Variants in ZSCAN5A observed in about 807,000 individuals in gnomAD.
ZSCAN5A encodes zinc finger and SCAN domain-containing protein 5A.
In ZSCAN5A, 12 loss-of-function variants were observed where a neutral mutation model predicts 23.7. That is an observed-to-expected ratio of 0.51 (90% CI 0.32 to 0.82). ZSCAN5A has a LOEUF of 0.82. Ranked by LOEUF, ZSCAN5A falls within the 40% of genes least tolerant of loss-of-function variation. The probability of loss-of-function intolerance (pLI) is 0.03; values close to 1 mark genes in which losing one functional copy is unlikely to be tolerated. For synonymous variants in ZSCAN5A, 257 were observed against 239.9 expected (o/e 1.07, Z -0.66); for missense variants, 597 against 617.9 (o/e 0.97, Z 0.36).
chr19:56,359,114 C>CAA (rs199640565), intron 2 of ZSCAN5A, among the ~76,000 whole-genome samples: 2 of 150,368 alleles, frequency 1.3e-5, no homozygotes, highest in East Asian at 3.9e-4. Flanking sequence ...AAACACCCTT[C>CAA]AAAAAAATCG....
intron 2 of ZSCAN5A, among the ~76,000 whole-genome samples, chr19:56,305,523 G>C (rs374504336): frequency 6.6e-6 from 1 of 152,204 alleles, no homozygotes; most frequent in Non-Finnish European, 1.5e-5. Context: ...TGACTGTTGT[G>C]AGTCGTGGTG....
chr19:56,273,630 G>A (rs1229374368), intron 2 of ZSCAN5A, among the ~76,000 whole-genome samples: 1 of 152,132 alleles, frequency 6.6e-6, no homozygotes, highest in Non-Finnish European at 1.5e-5. Flanking sequence ...AATATGCAAA[G>A]GTCCTGGGGC....
At chr19:56,238,988 CA>C (rs2035201878) in intron 2 of ZSCAN5A, among the ~76,000 whole-genome samples, 2 of 152,138 alleles carry the variant, frequency 1.3e-5, no homozygotes, top group South Asian at 4.1e-4. Flanking sequence ...CAATTCTTAA[CA>C]AGGAAAAATA....
intron 2 of ZSCAN5A, among the ~76,000 whole-genome samples, chr19:56,302,278 T>C (rs1182290484): frequency 6.6e-6 from 1 of 151,044 alleles, no homozygotes; most frequent in Non-Finnish European, 1.5e-5. Flanking sequence ...TCTCATTTCA[T>C]TCTTCCTTCC....
At chr19:56,342,893 T>G (rs1435292558) in intron 2 of ZSCAN5A, 1 of 1,016,110 alleles carries the variant, frequency 9.8e-7, no homozygotes, top group African/African-American at 1.6e-5. Context: ...TCAGGTAGTC[T>G]CCCCATCCTG....
chr19:56,320,139 G>A (rs7245993), intron 2 of ZSCAN5A: 454,632 of 748,892 alleles, frequency 0.61, 142,416 homozygotes, highest in African/African-American at 0.89. Flanking sequence ...TCTGATCAAA[G>A]TTTAGTCTGT....
Position 56,225,176 on chromosome 19 carries a change from G to C in ZSCAN5A, c.-127-3C>G. ...AGATTCACTGTTCATTCAGAAGTCTGGGGGGGAAAAGTATGAGCCTCATTA... is the reference window on the plus strand; with the variant it reads ...AGATTCACTGTTCATTCAGAAGTCTCGGGGGGAAAAGTATGAGCCTCATTA... On this transcript the variant is annotated splice_region_variant and splice_polypyrimidine_tract_variant and intron_variant, in intron 2 of 5. Transcript: ENST00000683990. 1 of 1,374,484 alleles carries C rather than the reference G, an allele frequency of 7.3e-7. No individual in the cohort carries two copies. The highest frequency in any genetic ancestry group is 9.3e-7 in the Non-Finnish European group (1 of 1,073,848). The allele number at this position is 1,374,484 out of a possible 1,614,324, so 85.1% of individuals were successfully genotyped here. A position where few individuals can be genotyped will look rare whatever the true frequency, so the allele number is the denominator to read the frequency against.
intron 2 of ZSCAN5A, chr19:56,246,901 G>A (rs773462189): frequency 1.1e-5 from 17 of 1,608,054 alleles, no homozygotes; most frequent in African/African-American, 5.3e-5. Flanking sequence ...CAAACCAGAC[G>A]CCACCTCCAT....
intron 2 of ZSCAN5A, among the ~76,000 whole-genome samples, chr19:56,247,741 G>T (rs185600197): frequency 6.6e-6 from 1 of 152,080 alleles, no homozygotes; most frequent in East Asian, 1.9e-4. Context: ...ACCCAGGCTG[G>T]AGTGCAGTGG....
Position 56,244,519 on chromosome 19 carries a change from C to G in ZSCAN5A, c.-127-19346G>C. The G allele has an allele frequency of 2.2e-6, 3 of 1,380,900 alleles. No homozygotes were observed. In the South Asian group the frequency reaches 4.3e-5, roughly 20 times the overall value. The allele number at this position is 1,380,900 out of a possible 1,614,324, so 85.5% of individuals were successfully genotyped here. On this transcript the variant is annotated intron_variant, in intron 2 of 5. Coordinates refer to ENST00000683990, the MANE Select transcript of ZSCAN5A (RefSeq NM_001322064.3). ...ACTCGAGAGGACCCGAGGGGCTGCT[C>G]TAGGTCAGGGCTTCCAAGTAGAGGA...
intron 2 of ZSCAN5A, chr19:56,245,309 C>A (rs563483291): frequency 1.4e-6 from 1 of 740,416 alleles, no homozygotes; most frequent in South Asian, 1.4e-5. Flanking sequence ...CAGAGATGAT[C>A]CGAGAGGCGT....
intron 2 of ZSCAN5A, among the ~76,000 whole-genome samples, chr19:56,270,769 G>A (rs996210035): frequency 6.6e-6 from 1 of 152,028 alleles, no homozygotes; most frequent in Admixed American, 6.5e-5. Context: ...TGGTTGGTGT[G>A]GGGTGGGTGG....
At chr19:56,238,156 G>A (rs368472485) in intron 2 of ZSCAN5A, among the ~76,000 whole-genome samples, 18 of 115,634 alleles carry the variant, frequency 1.6e-4, no homozygotes, top group Admixed American at 9.9e-4. Flanking sequence ...ACACACATAC[G>A]CACACATACA....
chr19:56,308,968 G>A (rs1188511105), intron 2 of ZSCAN5A, among the ~76,000 whole-genome samples: 6 of 152,184 alleles, frequency 3.9e-5, no homozygotes, highest in East Asian at 1.9e-4. Flanking sequence ...CAAATATTAC[G>A]TGTTGGCTTT....
chr19:56,345,134 G>T (rs568039948), intron 2 of ZSCAN5A, among the ~76,000 whole-genome samples: 1 of 151,788 alleles, frequency 6.6e-6, no homozygotes, highest in African/African-American at 2.4e-5. Flanking sequence ...AAAAATGTAT[G>T]CTGGCAATTC....
At position 56,314,738 on chromosome 19, in the gene ZSCAN5A, C is replaced by T. The variant is rs2041262230; in HGVS notation, c.-287G>A. ...CTAGTGACGGTCAAGCCACCTACAA[C>T]CGGTCCCAAAGCCGCAAACGAGTCA... On this transcript the variant is annotated 5_prime_UTR_variant, in exon 1 of 6. Coordinates refer to ENST00000683990, the MANE Select transcript of ZSCAN5A (RefSeq NM_001322064.3). 6.6e-6 allele frequency: 1 copy of T among 152,332 alleles called. No individual in the cohort carries two copies. The highest frequency in any genetic ancestry group is 2.1e-4 in the South Asian group (1 of 4,838). The allele number at this position is 152,332 out of a possible 1,614,324, so 9.4% of individuals were successfully genotyped here. A position where few individuals can be genotyped will look rare whatever the true frequency, so the allele number is the denominator to read the frequency against.
At chr19:56,266,087 G>A (rs1414769941) in intron 2 of ZSCAN5A, 1 of 152,090 alleles carries the variant, frequency 6.6e-6, no homozygotes, top group Non-Finnish European at 1.5e-5. Flanking sequence ...TGTTGACTTT[G>A]GGCAAAGTTA....
chr19:56,245,295 G>T, intron 2 of ZSCAN5A: 1 of 732,788 alleles, frequency 1.4e-6, no homozygotes, highest in Admixed American at 1.8e-5. Context: ...ATCCCTGCCA[G>T]TGTCAGAGAT....
intron 2 of ZSCAN5A, among the ~76,000 whole-genome samples, chr19:56,302,513 C>CCTCCCTCCCTCCCTCTT (rs1298772794): frequency 1.3e-4 from 4 of 31,742 alleles, no homozygotes; most frequent in African/African-American, 8.2e-4. Flanking sequence ...GCCCTTCTTT[C>CCTCCCTCCCTCCCTCTT]CTTCCTCCCT....
Sources: allele counts gnomAD v4.1 joint callset (sites outside exome capture counted in the v4.1 genomes callset), GRCh38; gene constraint gnomAD v4.1.1; transcripts MANE v1.5; gene names NCBI Gene and HGNC (gene_info 2026-07-23, HGNC 2026-07-21).